The following CAMK1D variants were observed in gnomAD, a reference collection of about 807,000 sequenced individuals.
The protein encoded by CAMK1D is calcium/calmodulin-dependent protein kinase type 1D.
CAMK1D carries 9 observed loss-of-function variants against 47.7 expected under a neutral mutation model. The ratio of observed to expected loss-of-function variants is 0.19; its 90% CI spans 0.11 to 0.33. The LOEUF (loss-of-function observed/expected upper bound fraction) is 0.33. CAMK1D is among the 10% of genes least tolerant of loss of function. The pLI is 1.00. For synonymous variants in CAMK1D, 184 were observed against 184.9 expected (o/e 0.99, Z 0.04); for missense variants, 291 against 488.7 (o/e 0.60, Z 3.81).
Position 12,778,502 on chromosome 10 carries a change from C to G in CAMK1D, c.565+8703C>G, listed in dbSNP as rs1392483245. 2.6e-5 allele frequency among the ~76,000 whole-genome samples: 4 copies of G among 152,202 alleles called. No individual in the cohort carries two copies. In the East Asian group the frequency reaches 5.8e-4, roughly 22 times the overall value. On this transcript the variant is annotated intron_variant, in intron 5 of 10. Transcript: ENST00000619168. ...GCTCATAGGGCTGGCTCTGCTAACACCAACAGGTTCTGCAGTAGATTGTGG... is the reference window on the plus strand; with the variant it reads ...GCTCATAGGGCTGGCTCTGCTAACAGCAACAGGTTCTGCAGTAGATTGTGG...
intron 1 of CAMK1D, among the ~76,000 whole-genome samples, chr10:12,436,111 A>C (rs1329832406): frequency 1.3e-5 from 2 of 152,076 alleles, no homozygotes; most frequent in Non-Finnish European, 2.9e-5. Flanking sequence ...GGGGTGGGAG[A>C]CTGAGTGCCA....
At chr10:12,717,067 G>A (rs1342009566) in intron 3 of CAMK1D, among the ~76,000 whole-genome samples, 1 of 152,212 alleles carries the variant, frequency 6.6e-6, no homozygotes, top group African/African-American at 2.4e-5. Context: ...CAGTGATAAT[G>A]TACATTTCAG....
chr10:12,554,370 G>A (rs1836694018), intron 2 of CAMK1D, among the ~76,000 whole-genome samples: 1 of 130,898 alleles, frequency 7.6e-6, no homozygotes, highest in South Asian at 2.3e-4. Flanking sequence ...GGCCAGGCTG[G>A]TCTTGAACTC....
chr10:12,456,312 C>G (rs1216036233), intron 1 of CAMK1D, among the ~76,000 whole-genome samples: 1 of 152,038 alleles, frequency 6.6e-6, no homozygotes, highest in African/African-American at 2.4e-5. Flanking sequence ...TTAATTCCAC[C>G]CATATTAACT....
At chr10:12,540,501 A>T (rs1023663896) in intron 1 of CAMK1D, among the ~76,000 whole-genome samples, 2 of 152,204 alleles carry the variant, frequency 1.3e-5, no homozygotes, top group African/African-American at 4.8e-5. Flanking sequence ...TGAGGCTGTT[A>T]ACAGTAAAGA....
chr10:12,499,827 T>C (rs1834647762), intron 1 of CAMK1D, among the ~76,000 whole-genome samples: 1 of 152,130 alleles, frequency 6.6e-6, no homozygotes, highest in African/African-American at 2.4e-5. Context: ...AACCTCACCA[T>C]AGCTCTGGGG....
intron 4 of CAMK1D, among the ~76,000 whole-genome samples, chr10:12,763,104 T>C (rs1054176091): frequency 5.3e-5 from 8 of 152,226 alleles, no homozygotes; most frequent in South Asian, 2.1e-4. Flanking sequence ...GAGGAATCTT[T>C]GCAGCTTCCA....
At chr10:12,532,483 T>G (rs920109019) in intron 1 of CAMK1D, among the ~76,000 whole-genome samples, 9 of 152,060 alleles carry the variant, frequency 5.9e-5, no homozygotes, top group Non-Finnish European at 1.3e-4. Context: ...GTTTCACCGT[T>G]TTAGCCGGGA....
Position 12,485,093 on chromosome 10 carries a change from A to T in CAMK1D, c.93-68132A>T, listed in dbSNP as rs1233367596. Among the ~76,000 whole-genome samples, 4 of 152,114 alleles carry T rather than the reference A, an allele frequency of 2.6e-5. No individual in the cohort carries two copies. In the East Asian group the frequency reaches 7.7e-4, roughly 29 times the overall value. ...TCGCCTTCACGTCTTGCATGTTTTC[A>T]CCGCTCCCCATACGGGTATTTCTAA... On this transcript the variant is annotated intron_variant, in intron 1 of 10. Coordinates refer to ENST00000619168, the MANE Select transcript of CAMK1D (RefSeq NM_153498.4).
chr10:12,376,627 TG>T (rs1313219684), intron 1 of CAMK1D, among the ~76,000 whole-genome samples: 1 of 152,138 alleles, frequency 6.6e-6, no homozygotes, highest in East Asian at 1.9e-4. Context: ...GCCTGGAGCC[TG>T]GAACTGGAAA....
chr10:12,627,143 T>G (rs1014162797), intron 2 of CAMK1D, among the ~76,000 whole-genome samples: 2 of 148,968 alleles, frequency 1.3e-5, no homozygotes, highest in Admixed American at 6.8e-5. Context: ...GTGCAGTGGC[T>G]CGATCTCCGC....
chr10:12,649,645 CT>C (rs1839906428), intron 2 of CAMK1D, among the ~76,000 whole-genome samples: 1 of 151,970 alleles, frequency 6.6e-6, no homozygotes, highest in Non-Finnish European at 1.5e-5. Flanking sequence ...TTTTTCTTTC[CT>C]CTGGCAGTCC....
chr10:12,599,425 G>A (rs1263688772), intron 2 of CAMK1D, among the ~76,000 whole-genome samples: 3 of 152,172 alleles, frequency 2.0e-5, no homozygotes, highest in African/African-American at 7.2e-5. Flanking sequence ...GATCCTAGGA[G>A]GTGTTGTGAC....
intron 2 of CAMK1D, among the ~76,000 whole-genome samples, chr10:12,575,646 G>T (rs2132325772): frequency 6.6e-6 from 1 of 152,304 alleles, no homozygotes; most frequent in Non-Finnish European, 1.5e-5. Flanking sequence ...GAATGAGGAG[G>T]AAGTTAAGAA....
intron 2 of CAMK1D, among the ~76,000 whole-genome samples, chr10:12,577,778 C>G (rs7096144): frequency 1.3e-5 from 2 of 152,200 alleles, no homozygotes; most frequent in African/African-American, 4.8e-5. Context: ...TGGCTGACAT[C>G]GTTAACTCAG....
At chr10:12,723,972 A>G (rs780725127) in intron 3 of CAMK1D, among the ~76,000 whole-genome samples, 8 of 151,478 alleles carry the variant, frequency 5.3e-5, no homozygotes, top group Non-Finnish European at 1.0e-4. Context: ...AGATGTTCTC[A>G]TTGTTCAATT....
intron 2 of CAMK1D, among the ~76,000 whole-genome samples, chr10:12,615,914 A>G (rs1283927761): frequency 6.7e-6 from 1 of 148,966 alleles, no homozygotes; most frequent in Non-Finnish European, 1.5e-5. Context: ...TGGTGTGTGT[A>G]TAGGTGTGTG....
intron 6 of CAMK1D, among the ~76,000 whole-genome samples, chr10:12,791,539 C>A (rs1327456067): frequency 1.3e-5 from 2 of 152,140 alleles, no homozygotes; most frequent in African/African-American, 4.8e-5. Flanking sequence ...ATGAACTTGA[C>A]TCTTCTGGGG....
chr10:12,506,562 A>G (rs1301810221), intron 1 of CAMK1D, among the ~76,000 whole-genome samples: 1 of 151,520 alleles, frequency 6.6e-6, no homozygotes, highest in East Asian at 2.0e-4. Context: ...TGTCGCCCAG[A>G]CTCTGAAGTG....
Sources: allele counts gnomAD v4.1 joint callset (sites outside exome capture counted in the v4.1 genomes callset), GRCh38; gene constraint gnomAD v4.1.1; transcripts MANE v1.5; gene names NCBI Gene and HGNC (gene_info 2026-07-23, HGNC 2026-07-21).